MEIS2: variants seen among roughly 807,000 people sequenced by gnomAD.
MEIS2 encodes the protein Meis homeobox 2.
A neutral mutation model predicts 58.6 loss-of-function variants in MEIS2; 9 were observed. The observed-to-expected ratio is 0.15, with a 90% CI of 0.09 to 0.27. MEIS2 has a LOEUF of 0.27. Ranked by LOEUF, MEIS2 falls within the 10% of genes least tolerant of loss-of-function variation. The pLI, the probability that MEIS2 is intolerant of heterozygous loss-of-function variation, is 1.00. For synonymous variants in MEIS2, 221 were observed against 228.4 expected (o/e 0.97, Z 0.29); for missense variants, 427 against 635.0 (o/e 0.67, Z 3.52).
At chr15:37,046,277 A>C (rs1381985520) in intron 7 of MEIS2, among the ~76,000 whole-genome samples, 1 of 152,218 alleles carries the variant, frequency 6.6e-6, no homozygotes, top group Non-Finnish European at 1.5e-5. Context: ...ACTGCTCACT[A>C]ACTCAGTGAT....
chr15:36,985,048 A>G (rs2060050873), intron 8 of MEIS2, among the ~76,000 whole-genome samples: 1 of 151,982 alleles, frequency 6.6e-6, no homozygotes, highest in African/African-American at 2.4e-5. Context: ...GAACTTTTCT[A>G]TTATTTTTCT....
intron 9 of MEIS2, among the ~76,000 whole-genome samples, chr15:36,932,678 GTGTC>G (rs1029206304): frequency 9.9e-5 from 15 of 151,990 alleles, no homozygotes; most frequent in East Asian, 1.9e-4. Context: ...GTGCACGTGT[GTGTC>G]TGTCTGTCTT....
At chr15:37,070,902 CT>C (rs1890615606) in intron 7 of MEIS2, among the ~76,000 whole-genome samples, 1 of 152,044 alleles carries the variant, frequency 6.6e-6, no homozygotes, top group African/African-American at 2.4e-5. Flanking sequence ...AAATTTGCTT[CT>C]TCCCTCAAAA....
chr15:37,072,883 A>C (rs1014268917), intron 7 of MEIS2, among the ~76,000 whole-genome samples: 3 of 152,008 alleles, frequency 2.0e-5, no homozygotes, highest in Non-Finnish European at 4.4e-5. Flanking sequence ...AGACTTCCAC[A>C]GATGTTTCAG....
In MEIS2 at chr15:37,079,603, C is replaced by T. The variant is rs558347860; in HGVS notation, c.754+4168G>A. 1.6e-4 allele frequency among the ~76,000 whole-genome samples: 25 copies of T among 152,210 alleles called. No individual in the cohort carries two copies. In the South Asian group the frequency reaches 5.0e-3, roughly 30 times the overall value. On this transcript the variant is annotated intron_variant, in intron 7 of 11. Transcript: ENST00000561208. ...TATAAGCTCAAAAGTGCAATACTAT[C>T]TTAGACATTTGCTTACCTATAAACA...
intron 8 of MEIS2, among the ~76,000 whole-genome samples, chr15:37,017,305 C>T (rs957126613): frequency 1.3e-5 from 2 of 152,114 alleles, no homozygotes; most frequent in South Asian, 2.1e-4. Flanking sequence ...AAAGAATAAT[C>T]GTCTACACAG....
At chr15:37,033,502 C>T (rs2062016492) in intron 8 of MEIS2, among the ~76,000 whole-genome samples, 1 of 152,124 alleles carries the variant, frequency 6.6e-6, no homozygotes, top group African/African-American at 2.4e-5. Context: ...AATACAAGAA[C>T]AGGTCACACT....
chr15:37,028,887 C>T (rs145061094), intron 8 of MEIS2, among the ~76,000 whole-genome samples: 68 of 152,190 alleles, frequency 4.5e-4, no homozygotes, highest in Admixed American at 9.2e-4. Context: ...CCCTTCTGCC[C>T]ACCCCTATCT....
At position 37,099,489 on chromosome 15, in the gene MEIS2, C is replaced by G; in HGVS notation, c.-23G>C. 5 of 1,613,782 alleles carry G rather than the reference C, an allele frequency of 3.1e-6. No individual in the cohort carries two copies. Among genetic ancestry groups the G allele is most frequent in the Non-Finnish European group, 4.2e-6 (5 of 1,180,000 alleles). ...CATCAGTCTGCGCTCCAATAAACTC[C>G]TGGATGTGTCGTATATTTAATATCC... On this transcript the variant is annotated 5_prime_UTR_variant, in exon 1 of 12. Transcript: ENST00000561208.
At chr15:36,969,845 T>C (rs899939561) in intron 8 of MEIS2, among the ~76,000 whole-genome samples, 1 of 152,192 alleles carries the variant, frequency 6.6e-6, no homozygotes, top group Non-Finnish European at 1.5e-5. Context: ...TGAAAAACAA[T>C]GTAAATTGCA....
chr15:36,991,793 T>C (rs1401992218), intron 8 of MEIS2, among the ~76,000 whole-genome samples: 1 of 123,744 alleles, frequency 8.1e-6, no homozygotes, highest in African/African-American at 3.1e-5. Flanking sequence ...CTTTTTTTTT[T>C]TTTTTTTTTT....
chr15:36,921,042 G>C lies in MEIS2; in HGVS notation c.978-24356C>G, dbSNP rs147660660. Among the ~76,000 whole-genome samples the C allele has an allele frequency of 4.0e-3, 603 of 152,198 alleles. 2 individuals are homozygous for C. The highest frequency in any genetic ancestry group is 6.0e-3 in the Non-Finnish European group (409 of 68,010). On this transcript the variant is annotated intron_variant, in intron 9 of 11. Coordinates refer to ENST00000561208, the MANE Select transcript of MEIS2 (RefSeq NM_170675.5). The stretch of plus-strand genomic sequence containing the variant: ...ACCTCTGTTGTTCATTTTTAACCTC[G>C]AAGAGCCAAATAAATCTAGTAAATT...
chr15:36,950,412 A>G lies in MEIS2; in HGVS notation c.901-12T>C. The G allele has an allele frequency of 6.2e-7, 1 of 1,610,748 alleles. No homozygotes were observed. The highest frequency in any genetic ancestry group is 8.5e-7 in the Non-Finnish European group (1 of 1,177,430). The stretch of plus-strand genomic sequence containing the variant: ...GAAGGGTACGGATGCTAATGGAAAA[A>G]CAAATGTTTTAAAAGATGGATCAGA... On this transcript the variant is annotated splice_polypyrimidine_tract_variant and intron_variant, in intron 8 of 11. Coordinates refer to ENST00000561208, the MANE Select transcript of MEIS2 (RefSeq NM_170675.5).
rs527249227 is a variant in MEIS2 at position 36,937,974 on chromosome 15, C to T, written c.977+12350G>A. Among the ~76,000 whole-genome samples, 8 of 152,240 alleles carry T rather than the reference C, an allele frequency of 5.3e-5. No individual in the cohort carries two copies. In the East Asian group the frequency reaches 1.5e-3, roughly 29 times the overall value. On this transcript the variant is annotated intron_variant, in intron 9 of 11. Transcript: ENST00000561208. ...TTCCATTTTTATGAAGAATTTTGTG[C>T]TTTAAATAGATGTCAAACTTTTTTT... is the stretch of plus-strand genomic sequence containing the variant.
chr15:36,911,270 C>CGT (rs57919785), intron 9 of MEIS2, among the ~76,000 whole-genome samples: 47,798 of 149,828 alleles, frequency 0.32, 7,794 homozygotes, highest in Middle Eastern at 0.41. Context: ...TTAAGAATAA[C>CGT]GTGTGTGTGT....
chr15:37,040,408 TG>T (rs1417872075), intron 7 of MEIS2, among the ~76,000 whole-genome samples: 10 of 152,078 alleles, frequency 6.6e-5, no homozygotes, highest in Non-Finnish European at 1.3e-4. Flanking sequence ...ACCCCCACGG[TG>T]GGGCAACTGC....
intron 7 of MEIS2, among the ~76,000 whole-genome samples, chr15:37,081,519 T>C (rs1892203235): frequency 6.6e-6 from 1 of 152,150 alleles, no homozygotes; most frequent in Non-Finnish European, 1.5e-5. Flanking sequence ...AAGACTAATA[T>C]AGGCATGAGT....
intron 8 of MEIS2, among the ~76,000 whole-genome samples, chr15:36,989,425 C>G (rs997938386): frequency 6.6e-6 from 1 of 151,558 alleles, no homozygotes; most frequent in Non-Finnish European, 1.5e-5. Context: ...GGTGTAGGTT[C>G]GGCTTGGGAG....
intron 8 of MEIS2, among the ~76,000 whole-genome samples, chr15:36,997,489 C>CT (rs11286332): frequency 0.11 from 14,920 of 136,174 alleles, 1,412 homozygotes; most frequent in Admixed American, 0.32. Flanking sequence ...CTCTCTCTCT[C>CT]TTTTTTTTTT....
Sources: gnomAD v4.1 joint callset for allele counts (sites outside exome capture counted in the v4.1 genomes callset) on GRCh38, gnomAD v4.1.1 for gene constraint, MANE v1.5 for transcripts, NCBI Gene and HGNC (gene_info 2026-07-23, HGNC 2026-07-21) for gene names.